Variants in ALPK1 observed in about 807,000 individuals in gnomAD.
ALPK1 encodes the protein alpha-protein kinase 1.
In ALPK1, 110 loss-of-function variants were observed where a neutral mutation model predicts 120.6. That is an observed-to-expected ratio of 0.91 (90% CI 0.78 to 1.07). The LOEUF is 1.07. ALPK1 is among the 50% of genes least tolerant of loss of function. The pLI is 0.00. For missense variants in ALPK1, 1,498 were observed against 1,483.9 expected, an observed-to-expected ratio of 1.01 and a Z score of -0.16; for synonymous variants, 582 against 560.3, an observed-to-expected ratio of 1.04 and a Z score of -0.55.
chr4:112,316,844 A>G (rs909271551), intron 2 of ALPK1, among the ~76,000 whole-genome samples: 2 of 151,740 alleles, frequency 1.3e-5, no homozygotes, highest in Non-Finnish European at 2.9e-5. Flanking sequence ...TACATTAAGT[A>G]AGGCAAAACA....
At chr4:112,306,458 T>G (rs1350330774) in intron 1 of ALPK1, among the ~76,000 whole-genome samples, 2 of 152,174 alleles carry the variant, frequency 1.3e-5, no homozygotes, top group Admixed American at 6.5e-5. Flanking sequence ...GGATTCAACT[T>G]CTTCCTGGTT....
At chr4:112,429,456 G>A (rs1315863386) in intron 10 of ALPK1, among the ~76,000 whole-genome samples, 1 of 152,144 alleles carries the variant, frequency 6.6e-6, no homozygotes, top group Non-Finnish European at 1.5e-5. Flanking sequence ...AATTAATTCA[G>A]CCCAAGGGTA....
chr4:112,298,674 C>T (rs1018339070), intron 1 of ALPK1, among the ~76,000 whole-genome samples: 7 of 152,040 alleles, frequency 4.6e-5, no homozygotes, highest in Non-Finnish European at 8.8e-5. Context: ...AAAGAAAAGG[C>T]ATGTGTAAAT....
intron 15 of ALPK1, 33 bp from the exon 16 acceptor site, chr4:112,441,170 G>A (rs372861603): frequency 8.7e-5 from 141 of 1,612,990 alleles, no homozygotes; most frequent in Non-Finnish European, 1.2e-4. Flanking sequence ...AATATCTGGT[G>A]ATGCTCGCAA....
chr4:112,367,034 T>G (rs938167314), intron 2 of ALPK1, among the ~76,000 whole-genome samples: 2 of 152,220 alleles, frequency 1.3e-5, no homozygotes, highest in Admixed American at 1.3e-4. Flanking sequence ...CAGTGGACTT[T>G]GAGGACTCAG....
chr4:112,316,504 A>G (rs1279269929), intron 2 of ALPK1, among the ~76,000 whole-genome samples: 4 of 152,094 alleles, frequency 2.6e-5, no homozygotes, highest in African/African-American at 9.7e-5. Flanking sequence ...CCTGCTTTCA[A>G]TTCTTTTGGG....
chr4:112,304,641 T>C (rs1727944721), intron 1 of ALPK1, among the ~76,000 whole-genome samples: 2 of 152,140 alleles, frequency 1.3e-5, no homozygotes, highest in African/African-American at 2.4e-5. Flanking sequence ...TTGTAGATTC[T>C]GGATATTAGC....
At chr4:112,299,759 C>G (rs1448616175) in intron 1 of ALPK1, among the ~76,000 whole-genome samples, 1 of 152,120 alleles carries the variant, frequency 6.6e-6, no homozygotes, top group Non-Finnish European at 1.5e-5. Flanking sequence ...TTTATCACAC[C>G]TGTAGCCTAA....
chr4:112,304,510 G>A (rs1429646435), intron 1 of ALPK1, among the ~76,000 whole-genome samples: 1 of 152,074 alleles, frequency 6.6e-6, no homozygotes, highest in African/African-American at 2.4e-5. Context: ...GTGATGATGA[G>A]CATTTTTTCA....
intron 2 of ALPK1, among the ~76,000 whole-genome samples, chr4:112,372,547 A>C (rs954115918): frequency 6.6e-6 from 1 of 152,224 alleles, no homozygotes; most frequent in African/African-American, 2.4e-5. Flanking sequence ...GACAGATTAA[A>C]TTATATATCT....
chr4:112,435,142 T>A lies in ALPK1; in HGVS notation c.3035-6T>A. On this transcript the variant is annotated splice_polypyrimidine_tract_variant and splice_region_variant and intron_variant, in intron 11 of 15. Coordinates refer to ENST00000650871, the MANE Select transcript of ALPK1 (RefSeq NM_025144.4). ...TAAGATTCATTTTCATCTTTTTTTT[T>A]CCCAGGTGCTCTTTTGTTAAAATAT... 6.3e-7 allele frequency: 1 copy of A among 1,596,846 alleles called. No homozygotes were observed. Among genetic ancestry groups the A allele is most frequent in the Non-Finnish European group, 8.5e-7 (1 of 1,175,740 alleles).
chr4:112,334,783 G>C (rs1459529264), intron 2 of ALPK1, among the ~76,000 whole-genome samples: 3 of 152,014 alleles, frequency 2.0e-5, no homozygotes, highest in African/African-American at 7.3e-5. Context: ...GGATTCTTTT[G>C]GATCTAATTA....
In ALPK1 at chr4:112,432,451, G is replaced by T. The variant is rs201791973; in HGVS notation, c.2904G>T (p.Glu968Asp). The change falls in exon 11 of 16, where the codon GAG becomes GAT. Residue 968 changes from glutamate (E) to aspartate (D), a missense_variant. Glu to Asp is a conservative substitution (Grantham distance 45). Transcript: ENST00000650871. Reference protein sequence around the residue: ...WVSLPGKMRKEILEARTLQPD... With the variant: ...WVSLPGKMRKDILEARTLQPD... ...CATTGCCGGGAAAGATGAGGAAAGA[G>T]ATCCTTGAGGCTCGCACCTTGCAAC... 2 of 1,614,186 alleles carry T rather than the reference G, an allele frequency of 1.2e-6. No individual in the cohort carries two copies.
chr4:112,327,989 C>T (rs1479222928), intron 2 of ALPK1, among the ~76,000 whole-genome samples: 1 of 152,150 alleles, frequency 6.6e-6, no homozygotes. Flanking sequence ...AGGAGGCACA[C>T]GTGAATTCTC....
chr4:112,314,182 C>A (rs1056316688), intron 1 of ALPK1, among the ~76,000 whole-genome samples: 5 of 152,176 alleles, frequency 3.3e-5, no homozygotes, highest in Non-Finnish European at 7.3e-5. Context: ...TGGGATGCAG[C>A]TGCTGTTAGA....
intron 4 of ALPK1, among the ~76,000 whole-genome samples, chr4:112,388,945 G>T (rs1387415570): frequency 6.6e-6 from 1 of 151,898 alleles, no homozygotes. Flanking sequence ...GAAAATTAAT[G>T]CTCAGAGAAG....
chr4:112,386,531 A>T (rs1732159342), intron 4 of ALPK1, among the ~76,000 whole-genome samples: 1 of 152,226 alleles, frequency 6.6e-6, no homozygotes, highest in Non-Finnish European at 1.5e-5. Context: ...AAAACAAAGC[A>T]TATCACGGGG....
intron 10 of ALPK1, among the ~76,000 whole-genome samples, chr4:112,429,826 C>G (rs371656030): frequency 2.8e-5 from 3 of 109,090 alleles, no homozygotes; most frequent in South Asian, 2.7e-4. Flanking sequence ...GGTAACAGAG[C>G]AAGACCCTAC....
chr4:112,363,504 T>C (rs974435918), intron 2 of ALPK1, among the ~76,000 whole-genome samples: 1 of 151,772 alleles, frequency 6.6e-6, no homozygotes, highest in African/African-American at 2.4e-5. Context: ...CAGGAAAATA[T>C]CACAATCCTA....
Sources: allele counts gnomAD v4.1 joint callset (sites outside exome capture counted in the v4.1 genomes callset), GRCh38; gene constraint gnomAD v4.1.1; transcripts MANE v1.5; gene names NCBI Gene and HGNC (gene_info 2026-07-23, HGNC 2026-07-21).